NELL1: variants seen among roughly 807,000 people sequenced by gnomAD.
The protein encoded by NELL1 is neural EGFL like 1.
NELL1 carries 76 observed loss-of-function variants against 107.4 expected under a neutral mutation model. The observed-to-expected ratio is 0.71, with a 90% CI of 0.59 to 0.86. The LOEUF is 0.86. Ranked by LOEUF, NELL1 falls within the 40% of genes least tolerant of loss-of-function variation. NELL1 has a pLI of 0.00. For synonymous variants in NELL1, 353 were observed against 341.2 expected, an observed-to-expected ratio of 1.03 and a Z score of -0.38; for missense variants, 1,024 against 1,005.5, an observed-to-expected ratio of 1.02 and a Z score of -0.25.
intron 19 of NELL1, 151 bp from the exon 20 acceptor site, chr11:21,574,821 T>C (rs1002579199): frequency 1.6e-5 from 10 of 639,170 alleles, no homozygotes; most frequent in African/African-American, 1.5e-4. Flanking sequence ...CTTTCTCTAG[T>C]TTTTTTCCTA....
intron 14 of NELL1, among the ~76,000 whole-genome samples, chr11:21,297,501 G>T (rs1849399542): frequency 1.3e-5 from 2 of 152,050 alleles, no homozygotes; most frequent in Non-Finnish European, 2.9e-5. Context: ...TTTCCAGTGT[G>T]CAGGTTGTGA....
At chr11:20,921,220 G>T (rs531894050) in intron 7 of NELL1, among the ~76,000 whole-genome samples, 6 of 152,172 alleles carry the variant, frequency 3.9e-5, no homozygotes, top group Non-Finnish European at 8.8e-5. Flanking sequence ...TAGAGGGCCA[G>T]ATTTGGTCCA....
intron 12 of NELL1, among the ~76,000 whole-genome samples, chr11:20,991,131 T>C (rs189373770): frequency 3.9e-5 from 6 of 152,356 alleles, no homozygotes; most frequent in Non-Finnish European, 5.9e-5. Flanking sequence ...CCTAGAGCCA[T>C]GTGCCATCAC....
chr11:21,327,182 G>T (rs1256903431), intron 14 of NELL1, among the ~76,000 whole-genome samples: 2 of 123,370 alleles, frequency 1.6e-5, no homozygotes, highest in African/African-American at 3.0e-5. Context: ...TTTTTTTGTG[G>T]GGGGGACTGT....
intron 13 of NELL1, among the ~76,000 whole-genome samples, chr11:21,210,826 C>G (rs1857482831): frequency 6.6e-6 from 1 of 152,104 alleles, no homozygotes; most frequent in Non-Finnish European, 1.5e-5. Flanking sequence ...AAGCTCTTCT[C>G]TTTAGAGTTC....
intron 15 of NELL1, among the ~76,000 whole-genome samples, chr11:21,425,294 A>AAG (rs1022422532): frequency 2.0e-5 from 3 of 152,112 alleles, no homozygotes; most frequent in African/African-American, 7.2e-5. Context: ...TAGCCAAAAA[A>AAG]AAATACAGTT....
intron 11 of NELL1, among the ~76,000 whole-genome samples, chr11:20,959,718 A>G (rs1404653456): frequency 1.3e-5 from 2 of 152,220 alleles, no homozygotes; most frequent in East Asian, 1.9e-4. Context: ...GATGCAGAGT[A>G]TACTACTTGG....
intron 2 of NELL1, among the ~76,000 whole-genome samples, chr11:20,768,331 G>A (rs1009037431): frequency 6.6e-6 from 1 of 152,174 alleles, no homozygotes; most frequent in African/African-American, 2.4e-5. Context: ...CAGCCAAAAG[G>A]CCCCTTGGAT....
Position 20,896,208 on chromosome 11 carries a change from C to G in NELL1, c.603+10668C>G, listed in dbSNP as rs999616570. Among the ~76,000 whole-genome samples, 8 of 152,278 alleles carry G rather than the reference C, an allele frequency of 5.3e-5. No homozygotes were observed. In the East Asian group the frequency reaches 1.4e-3, roughly 26 times the overall value. ...ACCTTTGTGCCCTCATAGCTTAGCT[C>G]CCACTTATAAGTGAGAACATACAAT... On this transcript the variant is annotated intron_variant, in intron 5 of 19. Transcript: ENST00000357134.
At chr11:21,337,924 A>G (rs1945412) in intron 14 of NELL1, among the ~76,000 whole-genome samples, 20,873 of 137,776 alleles carry the variant, frequency 0.15, 1,923 homozygotes, top group Non-Finnish European at 0.21. Flanking sequence ...TTTCTTTTGC[A>G]TTTAGCCACT....
At chr11:21,304,247 C>T (rs919654363) in intron 14 of NELL1, among the ~76,000 whole-genome samples, 20 of 152,042 alleles carry the variant, frequency 1.3e-4, no homozygotes, top group Non-Finnish European at 2.8e-4. Flanking sequence ...GACTATTCCA[C>T]ACACTGTCTA....
chr11:20,895,032 G>A (rs1042314625), intron 5 of NELL1, among the ~76,000 whole-genome samples: 11 of 143,100 alleles, frequency 7.7e-5, no homozygotes, highest in Non-Finnish European at 1.3e-4. Flanking sequence ...AGCACTTTGG[G>A]AGGCCGAGGC....
At chr11:20,696,467 T>C (rs889434839) in intron 2 of NELL1, among the ~76,000 whole-genome samples, 6 of 152,154 alleles carry the variant, frequency 3.9e-5, no homozygotes, top group Non-Finnish European at 8.8e-5. Context: ...AGCCTTCTTC[T>C]TAACACTGCT....
intron 12 of NELL1, among the ~76,000 whole-genome samples, chr11:20,985,786 T>C (rs1851840872): frequency 6.6e-6 from 1 of 152,226 alleles, no homozygotes; most frequent in African/African-American, 2.4e-5. Flanking sequence ...ACAAGTCTTA[T>C]ATAATTAGTG....
At chr11:21,226,166 C>G (rs1292477437) in intron 13 of NELL1, among the ~76,000 whole-genome samples, 2 of 152,108 alleles carry the variant, frequency 1.3e-5, no homozygotes, top group African/African-American at 4.8e-5. Context: ...AGGTGCTGGT[C>G]ATTTTGAAAA....
intron 2 of NELL1, among the ~76,000 whole-genome samples, chr11:20,754,915 G>C (rs990474154): frequency 6.6e-6 from 1 of 152,152 alleles, no homozygotes; most frequent in Non-Finnish European, 1.5e-5. Flanking sequence ...TTTAGACTTA[G>C]TGAAAAGTTC....
intron 15 of NELL1, among the ~76,000 whole-genome samples, chr11:21,409,026 T>C (rs561230664): frequency 1.3e-5 from 2 of 152,176 alleles, no homozygotes; most frequent in African/African-American, 2.4e-5. Flanking sequence ...AGTGTGGCGA[T>C]TCCTCAGGGA....
intron 13 of NELL1, among the ~76,000 whole-genome samples, chr11:21,152,165 C>T (rs7113397): frequency 0.3 from 46,081 of 152,010 alleles, 7,652 homozygotes; most frequent in East Asian, 0.56. Flanking sequence ...CAATGGAATG[C>T]AGGGGGTGGA....
chr11:21,287,135 C>T (rs960244095), intron 14 of NELL1, among the ~76,000 whole-genome samples: 5 of 152,202 alleles, frequency 3.3e-5, no homozygotes, highest in African/African-American at 1.2e-4. Flanking sequence ...TTTTGGTTTG[C>T]GGCCAACTTT....
Sources: gnomAD v4.1 joint callset for allele counts (sites outside exome capture counted in the v4.1 genomes callset) on GRCh38, gnomAD v4.1.1 for gene constraint, MANE v1.5 for transcripts, NCBI Gene and HGNC (gene_info 2026-07-23, HGNC 2026-07-21) for gene names.